PKD1L1: variants seen among roughly 807,000 people sequenced by gnomAD.
The protein encoded by PKD1L1 is polycystin 1 like 1, transient receptor potential channel interacting.
Under a neutral mutation model 323.4 loss-of-function variants are expected in PKD1L1, and 236 were observed. The ratio of observed to expected loss-of-function variants is 0.73; its 90% CI spans 0.66 to 0.81. The LOEUF (loss-of-function observed/expected upper bound fraction) is 0.81. PKD1L1 is among the 40% of genes least tolerant of loss of function. The pLI, the probability that PKD1L1 is intolerant of heterozygous loss-of-function variation, is 0.00. For missense variants in PKD1L1, 3,320 were observed against 3,508.0 expected (o/e 0.95, Z 1.35); for synonymous variants, 1,344 against 1,335.0 (o/e 1.01, Z -0.15).
intron 26 of PKD1L1, among the ~76,000 whole-genome samples, chr7:47,863,401 G>C (rs1165259102): frequency 6.6e-6 from 1 of 152,024 alleles, no homozygotes; most frequent in African/African-American, 2.4e-5. Context: ...TGGATGTAAA[G>C]TGGAAGGAGT....
intron 19 of PKD1L1, 60 bp downstream of exon 19, chr7:47,884,538 C>T: frequency 6.8e-7 from 1 of 1,467,782 alleles, no homozygotes; most frequent in East Asian, 2.3e-5. Context: ...ATCCAGATTG[C>T]AGAAAGGCTG....
Position 47,882,173 on chromosome 7 carries a change from A to T in PKD1L1, c.3266-88T>A, listed in dbSNP as rs529278848. The T allele has an allele frequency of 1.1e-4, 139 of 1,280,688 alleles. 1 individual carries two copies. Among genetic ancestry groups the T allele is most frequent in the Non-Finnish European group, 1.1e-6 (1 of 905,090 alleles). The allele number at this position is 1,280,688 out of a possible 1,614,324, so 79.3% of individuals were successfully genotyped here. A position where few individuals can be genotyped will look rare whatever the true frequency, so the allele number is the denominator to read the frequency against. ...TAGTGATTCAATGCTGATATTAATA[A>T]CTATTTGTACTATTGCTGGATACCG... On this transcript the variant is annotated intron_variant, in intron 19 of 56. Transcript: ENST00000289672.
At chr7:47,820,404 G>C (rs1039289074) in intron 46 of PKD1L1, among the ~76,000 whole-genome samples, 1 of 152,168 alleles carries the variant, frequency 6.6e-6, no homozygotes, top group Non-Finnish European at 1.5e-5. Flanking sequence ...TGAACAGCTT[G>C]AGAAATGATC....
chr7:47,855,534 A>G (rs1785880090), intron 28 of PKD1L1, among the ~76,000 whole-genome samples: 1 of 152,214 alleles, frequency 6.6e-6, no homozygotes, highest in African/African-American at 2.4e-5. Context: ...AGCTAATGCA[A>G]AAGAAATATC....
At chr7:47,796,425 G>A (rs1176289605) in intron 54 of PKD1L1, among the ~76,000 whole-genome samples, 3 of 152,118 alleles carry the variant, frequency 2.0e-5, no homozygotes, top group Non-Finnish European at 2.9e-5. Flanking sequence ...GATTATCAAC[G>A]CGATGTGCAT....
chr7:47,842,892 C>T (rs1441359512), intron 34 of PKD1L1, 70 bp downstream of exon 34: 5 of 1,442,572 alleles, frequency 3.5e-6, no homozygotes, highest in Middle Eastern at 2.5e-4. Flanking sequence ...AGCCAAATCA[C>T]CAAATCCTCA....
At chr7:47,931,608 T>A (rs1231047661) in intron 5 of PKD1L1, among the ~76,000 whole-genome samples, 1 of 152,226 alleles carries the variant, frequency 6.6e-6, no homozygotes, top group African/African-American at 2.4e-5. Flanking sequence ...TATTAGAAGT[T>A]CATGTTACCC....
At chr7:47,792,454 A>G (rs1466936022) in intron 56 of PKD1L1, among the ~76,000 whole-genome samples, 173 bp downstream of exon 56, 8 of 152,176 alleles carry the variant, frequency 5.3e-5, no homozygotes, top group Non-Finnish European at 8.8e-5. Flanking sequence ...TGGACTTTAA[A>G]TTTTTAAGTG....
chr7:47,862,930 A>G (rs1786064774), intron 26 of PKD1L1, among the ~76,000 whole-genome samples: 1 of 152,180 alleles, frequency 6.6e-6, no homozygotes, highest in South Asian at 2.1e-4. Flanking sequence ...AGGCTTTTAC[A>G]ATGACTTGAC....
chr7:47,822,025 T>C (rs549236274), intron 45 of PKD1L1, among the ~76,000 whole-genome samples: 53 of 152,250 alleles, frequency 3.5e-4, no homozygotes, highest in African/African-American at 1.2e-3. Context: ...CTTTTTCCAT[T>C]GGATCATCTT....
Position 47,833,263 on chromosome 7 carries a change from A to G in PKD1L1, c.6175-11T>C. The G allele has an allele frequency of 6.2e-7, 1 of 1,610,574 alleles. No individual in the cohort carries two copies. Among genetic ancestry groups the G allele is most frequent in the African/African-American group, 1.3e-5 (1 of 74,960 alleles). On this transcript the variant is annotated splice_polypyrimidine_tract_variant and intron_variant, in intron 40 of 56. Transcript: ENST00000289672. ...GGCTGATGCAGGTTGCTAGAATGACAAGGTCATGCCAAGGTTAATATCTCC... is the reference window on the plus strand; with the variant it reads ...GGCTGATGCAGGTTGCTAGAATGACGAGGTCATGCCAAGGTTAATATCTCC...
At position 47,835,154 on chromosome 7, in the gene PKD1L1, G is replaced by A. The variant is rs759955149; in HGVS notation, c.6033C>T (p.Ser2011=). The change falls in exon 38 of 57, where the codon TCC becomes TCT. Residue 2011 remains serine (S), a synonymous_variant. Coordinates refer to ENST00000289672, the MANE Select transcript of PKD1L1 (RefSeq NM_138295.5). Reference sequence around the variant, plus strand: ...GTACCTTGCTGAGCCTGAAGAGCAGGGACAAGAGCTGGGCCCCTGGAGAAG... The same window carrying A: ...GTACCTTGCTGAGCCTGAAGAGCAGAGACAAGAGCTGGGCCCCTGGAGAAG... ...LLASPGAQLL[S]LLFRLSKEAP... is the part of the protein sequence containing the mutation. 1.4e-5 allele frequency: 22 copies of A among 1,597,928 alleles called. No individual in the cohort carries two copies. The highest frequency in any genetic ancestry group is 2.6e-6 in the Non-Finnish European group (3 of 1,172,274).
At chr7:47,880,286 T>TATATA (rs1264486018) in intron 21 of PKD1L1, among the ~76,000 whole-genome samples, 10 of 75,568 alleles carry the variant, frequency 1.3e-4, no homozygotes, top group Non-Finnish European at 1.9e-4. Context: ...ATATATATAT[T>TATATA]TTTTTTTTTT....
chr7:47,905,134 G>A (rs1787175287), intron 11 of PKD1L1, 23 bp downstream of exon 11: 2 of 1,608,734 alleles, frequency 1.2e-6, no homozygotes, highest in Non-Finnish European at 1.7e-6. Flanking sequence ...CAGCTACTCA[G>A]CAGGACTGCT....
chr7:47,937,950 G>C (rs146872178), intron 3 of PKD1L1, among the ~76,000 whole-genome samples: 5 of 152,012 alleles, frequency 3.3e-5, no homozygotes, highest in African/African-American at 4.8e-5. Context: ...AGGTGCCCAC[G>C]GCACAGGAGG....
chr7:47,792,585 G>A (rs2128723653), intron 56 of PKD1L1, 42 bp downstream of exon 56: 2 of 1,546,398 alleles, frequency 1.3e-6, no homozygotes, highest in Middle Eastern at 1.7e-4. Flanking sequence ...AACTTAAATT[G>A]CTATGAAGAA....
chr7:47,910,452 A>T (rs1787295804), intron 8 of PKD1L1, among the ~76,000 whole-genome samples: 1 of 148,192 alleles, frequency 6.7e-6, no homozygotes, highest in Non-Finnish European at 1.5e-5. Context: ...CTCCTGCCTC[A>T]GCCTCCTGAG....
chr7:47,831,922 C>A (rs965009440), intron 41 of PKD1L1, among the ~76,000 whole-genome samples: 3 of 152,198 alleles, frequency 2.0e-5, no homozygotes, highest in African/African-American at 7.2e-5. Flanking sequence ...TGGTCCCCTG[C>A]AGTTTTCAAC....
intron 28 of PKD1L1, 109 bp from the exon 29 acceptor site, chr7:47,855,374 T>C (rs1191440187): frequency 1.5e-6 from 1 of 679,002 alleles, no homozygotes; most frequent in Non-Finnish European, 2.4e-6. Flanking sequence ...TACATAAAAT[T>C]ATATGCCTGA....
Sources: gnomAD v4.1 joint callset for allele counts (sites outside exome capture counted in the v4.1 genomes callset) on GRCh38, gnomAD v4.1.1 for gene constraint, MANE v1.5 for transcripts, NCBI Gene and HGNC (gene_info 2026-07-23, HGNC 2026-07-21) for gene names.